Variants in GPC6 observed in about 807,000 individuals in gnomAD.
GPC6 encodes glypican 6, also known as glypican-6.
A neutral mutation model predicts 55.2 loss-of-function variants in GPC6; 14 were observed. The observed-to-expected ratio is 0.25, with a 90% CI of 0.17 to 0.40. GPC6 has a LOEUF of 0.40. Among genes scored for constraint, GPC6 ranks in the 10% least tolerant of loss-of-function variants. The pLI, the probability that GPC6 is intolerant of heterozygous loss-of-function variation, is 1.00. For synonymous variants in GPC6, 278 were observed against 259.6 expected (o/e 1.07, Z -0.68); for missense variants, 641 against 708.5 (o/e 0.90, Z 1.08).
chr13:93,582,614 G>T (rs78185392), intron 2 of GPC6, among the ~76,000 whole-genome samples: 1 of 152,086 alleles, frequency 6.6e-6, no homozygotes, highest in Non-Finnish European at 1.5e-5. Flanking sequence ...AGCTTGATAA[G>T]GTACTCTTTA....
intron 4 of GPC6, among the ~76,000 whole-genome samples, chr13:94,087,719 T>C (rs1336764366): frequency 6.6e-6 from 1 of 152,190 alleles, no homozygotes; most frequent in African/African-American, 2.4e-5. Context: ...CTACTGCCCT[T>C]CAATGGGGAA....
intron 1 of GPC6, among the ~76,000 whole-genome samples, chr13:93,514,826 G>A (rs1451384535): frequency 1.3e-5 from 2 of 152,138 alleles, no homozygotes; most frequent in Non-Finnish European, 2.9e-5. Context: ...ACCTGTATTG[G>A]ACGTAGAGTC....
At chr13:94,218,030 G>A (rs1594068502) in intron 4 of GPC6, among the ~76,000 whole-genome samples, 2 of 152,246 alleles carry the variant, frequency 1.3e-5, no homozygotes, top group Non-Finnish European at 1.5e-5. Context: ...CAAGCATGTG[G>A]TAATGGTTCT....
At chr13:93,637,216 T>C (rs1879737235) in intron 2 of GPC6, among the ~76,000 whole-genome samples, 1 of 152,170 alleles carries the variant, frequency 6.6e-6, no homozygotes, top group African/African-American at 2.4e-5. Flanking sequence ...AGAGATTATA[T>C]ACCTACTTTA....
At chr13:93,703,325 A>G (rs550163610) in intron 2 of GPC6, among the ~76,000 whole-genome samples, 1 of 152,048 alleles carries the variant, frequency 6.6e-6, no homozygotes, top group East Asian at 1.9e-4. Flanking sequence ...AGCAATTACA[A>G]TTGTTAATAT....
chr13:93,435,594 G>GA (rs11464873), intron 1 of GPC6, among the ~76,000 whole-genome samples: 5,334 of 151,996 alleles, frequency 0.035, 307 homozygotes, highest in African/African-American at 0.12. Flanking sequence ...ACCAACGAAA[G>GA]AAACCAATTT....
intron 1 of GPC6, among the ~76,000 whole-genome samples, chr13:93,364,202 T>C (rs1464833487): frequency 6.6e-6 from 1 of 152,168 alleles, no homozygotes; most frequent in African/African-American, 2.4e-5. Context: ...AGACATGAAG[T>C]CCTTGCCCAT....
chr13:93,360,935 G>T (rs1480763771), intron 1 of GPC6, among the ~76,000 whole-genome samples: 1 of 152,060 alleles, frequency 6.6e-6, no homozygotes, highest in Admixed American at 6.6e-5. Context: ...TGAGTTCTAG[G>T]GTATGGGCCT....
rs1261233179 is a variant in GPC6, at chr13:93,995,667, C to A, written c.712-32062C>A. ...ATCAGAAACTTATCAAATAATCATA[C>A]AAATATATTTTCAATTATAGTTACA... On this transcript the variant is annotated intron_variant, in intron 3 of 8. Transcript: ENST00000377047. Among the ~76,000 whole-genome samples, 5 of 152,208 alleles carry A rather than the reference C, an allele frequency of 3.3e-5. No individual in the cohort carries two copies. In the East Asian group the frequency reaches 9.6e-4, roughly 29 times the overall value.
intron 2 of GPC6, among the ~76,000 whole-genome samples, chr13:93,675,585 T>C (rs1014393096): frequency 5.3e-5 from 8 of 152,174 alleles, no homozygotes; most frequent in Non-Finnish European, 8.8e-5. Flanking sequence ...AGTGCTGTAA[T>C]CAGCCTTTTG....
upstream of GPC6, among the ~76,000 whole-genome samples, chr13:93,221,847 T>C (rs1165510339): frequency 2.6e-5 from 4 of 152,334 alleles, no homozygotes; most frequent in Admixed American, 1.3e-4. Context: ...AGATGTGGAA[T>C]AGACACTTGA....
At chr13:93,711,756 T>A (rs1883076445) in intron 2 of GPC6, among the ~76,000 whole-genome samples, 1 of 151,764 alleles carries the variant, frequency 6.6e-6, no homozygotes, top group African/African-American at 2.4e-5. Flanking sequence ...GACCACTGGA[T>A]ACTGGCAGGA....
At chr13:93,631,890 T>C (rs1879457525) in intron 2 of GPC6, among the ~76,000 whole-genome samples, 1 of 152,212 alleles carries the variant, frequency 6.6e-6, no homozygotes, top group African/African-American at 2.4e-5. Context: ...CAATTTAGTA[T>C]GTGCCTTCTG....
intron 2 of GPC6, among the ~76,000 whole-genome samples, chr13:93,661,883 G>A (rs750398982): frequency 1.3e-5 from 2 of 152,122 alleles, no homozygotes; most frequent in Non-Finnish European, 2.9e-5. Flanking sequence ...AAGAAAATGA[G>A]GGGCACTATA....
chr13:93,285,877 A>G (rs557912931), intron 1 of GPC6, among the ~76,000 whole-genome samples: 5 of 152,296 alleles, frequency 3.3e-5, no homozygotes, highest in Non-Finnish European at 7.3e-5. Context: ...TATACTACAT[A>G]AAATCAAACT....
chr13:93,573,394 T>C (rs1014838695), intron 2 of GPC6, among the ~76,000 whole-genome samples: 3 of 152,072 alleles, frequency 2.0e-5, no homozygotes. Flanking sequence ...CTTTTAGCAA[T>C]GGTTGTATTT....
intron 2 of GPC6, among the ~76,000 whole-genome samples, chr13:93,554,916 C>T (rs1019705379): frequency 3.9e-5 from 6 of 152,262 alleles, no homozygotes; most frequent in South Asian, 4.1e-4. Flanking sequence ...ATTCATTAAA[C>T]GAACAAATAT....
intron 2 of GPC6, among the ~76,000 whole-genome samples, chr13:93,776,825 C>A (rs937514030): frequency 6.6e-6 from 1 of 152,154 alleles, no homozygotes; most frequent in African/African-American, 2.4e-5. Flanking sequence ...CCATCCCATT[C>A]CCTGCTGACT....
chr13:93,986,993 G>A (rs1566635535), intron 3 of GPC6, among the ~76,000 whole-genome samples: 1 of 152,020 alleles, frequency 6.6e-6, no homozygotes, highest in Admixed American at 6.6e-5. Context: ...GTTCCATGTT[G>A]GAGAAACTGG....
Sources: allele counts gnomAD v4.1 joint callset (sites outside exome capture counted in the v4.1 genomes callset), GRCh38; gene constraint gnomAD v4.1.1; transcripts MANE v1.5; gene names NCBI Gene and HGNC (gene_info 2026-07-23, HGNC 2026-07-21).